The following ATP8B4 variants were observed in gnomAD, a reference collection of about 807,000 sequenced individuals.
ATP8B4 encodes ATPase phospholipid transporting 8B4 (putative).
A neutral mutation model predicts 145.6 loss-of-function variants in ATP8B4; 133 were observed. That is an observed-to-expected ratio of 0.91 (90% CI 0.79 to 1.05). The LOEUF is 1.05. Ranked by LOEUF, ATP8B4 falls within the 50% of genes least tolerant of loss-of-function variation. The pLI, the probability that ATP8B4 is intolerant of heterozygous loss-of-function variation, is 0.00. For synonymous variants in ATP8B4, 507 were observed against 492.9 expected (o/e 1.03, Z -0.38); for missense variants, 1,458 against 1,425.2 (o/e 1.02, Z -0.37).
chr15:49,971,335 C>A (rs542910731), intron 13 of ATP8B4, among the ~76,000 whole-genome samples: 37 of 152,262 alleles, frequency 2.4e-4, no homozygotes, highest in African/African-American at 8.9e-4. Flanking sequence ...GAACAGGCAA[C>A]CTACAGAATG....
At chr15:50,018,839 A>G (rs2049305726) in intron 6 of ATP8B4, 3 of 848,010 alleles carry the variant, frequency 3.5e-6, no homozygotes, top group Non-Finnish European at 5.0e-6. Flanking sequence ...ATTTATAATC[A>G]TGGGTAAAAT....
At chr15:50,104,644 C>T (rs1267267432) in intron 2 of ATP8B4, among the ~76,000 whole-genome samples, 5 of 151,990 alleles carry the variant, frequency 3.3e-5, no homozygotes, top group African/African-American at 7.3e-5. Context: ...TCTAGTACAA[C>T]CATTATGGAA....
intron 10 of ATP8B4, 116 bp from the exon 11 acceptor site, chr15:49,981,410 C>A (rs1307927078): frequency 3.6e-6 from 3 of 829,680 alleles, no homozygotes; most frequent in Non-Finnish European, 5.4e-6. Flanking sequence ...AATAATTTAA[C>A]TTTTATTAAG....
chr15:49,960,395 T>C (rs999968042), intron 14 of ATP8B4, among the ~76,000 whole-genome samples: 2 of 152,190 alleles, frequency 1.3e-5, no homozygotes, highest in Non-Finnish European at 2.9e-5. Flanking sequence ...AATTCAGTAA[T>C]AGACCTAGTA....
rs564856061 is a variant in ATP8B4, at chr15:50,027,678, T to G, written c.362+11090A>C. 6.6e-5 allele frequency among the ~76,000 whole-genome samples: 10 copies of G among 152,326 alleles called. 1 individual carries two copies. The South Asian group carries it at 1.9e-3, about 28-fold the overall frequency. On this transcript the variant is annotated intron_variant, in intron 6 of 27. Transcript: ENST00000284509. ...TCATACTGGACTGAACACTGGACATTAAGCAAATTTAAAATCCAGTAAGTG... is the reference window on the plus strand; with the variant it reads ...TCATACTGGACTGAACACTGGACATGAAGCAAATTTAAAATCCAGTAAGTG...
intron 1 of ATP8B4, among the ~76,000 whole-genome samples, chr15:50,129,140 T>C (rs958834313): frequency 6.6e-6 from 1 of 152,194 alleles, no homozygotes; most frequent in Non-Finnish European, 1.5e-5. Context: ...TGTGAGTAAA[T>C]TGTGACCCCA....
chr15:49,899,544 G>T (rs2037792800), intron 21 of ATP8B4, among the ~76,000 whole-genome samples: 1 of 152,030 alleles, frequency 6.6e-6, no homozygotes, highest in South Asian at 2.1e-4. Context: ...ATAATTCCTA[G>T]GTGAAATTGT....
rs534470264 is a variant in ATP8B4 at position 49,880,981 on chromosome 15, G to A, written c.2698-1522C>T. Among the ~76,000 whole-genome samples, 8 of 152,128 alleles carry A rather than the reference G, an allele frequency of 5.3e-5. No individual in the cohort carries two copies. The East Asian group carries it at 9.7e-4, about 18-fold the overall frequency. On this transcript the variant is annotated intron_variant, in intron 23 of 27. Transcript: ENST00000284509. ...CAAAAAATTAGCCAGGCATGGTGGC[G>A]GGCGCCTGTAGTCCCAGCTACTCGG...
chr15:49,970,319 A>G (rs2044986068), intron 13 of ATP8B4, among the ~76,000 whole-genome samples: 1 of 152,242 alleles, frequency 6.6e-6, no homozygotes, highest in African/African-American at 2.4e-5. Context: ...ATAGGAAGAG[A>G]GGAAATCAAA....
At chr15:50,002,272 T>G in intron 7 of ATP8B4, 49 bp from the exon 8 acceptor site, 3 of 1,480,958 alleles carry the variant, frequency 2.0e-6, no homozygotes, top group Non-Finnish European at 2.8e-6. Flanking sequence ...TTAGATTGGT[T>G]GAAAGTCTTC....
chr15:49,934,306 C>A, intron 14 of ATP8B4, 124 bp from the exon 15 acceptor site: 1 of 1,056,560 alleles, frequency 9.5e-7, no homozygotes, highest in Non-Finnish European at 1.3e-6. Context: ...ATGTCTGGCA[C>A]TAAAATGGCT....
chr15:50,004,532 T>C (rs1433455755), intron 7 of ATP8B4, among the ~76,000 whole-genome samples: 1 of 152,202 alleles, frequency 6.6e-6, no homozygotes, highest in Admixed American at 6.5e-5. Flanking sequence ...ATCCAGAAAC[T>C]TGTGTTCCAG....
chr15:50,114,337 T>G (rs2057098849), intron 1 of ATP8B4: 1 of 152,048 alleles, frequency 6.6e-6, no homozygotes, highest in Admixed American at 6.6e-5. Context: ...ATAGCTTAGC[T>G]CCCACTTATA....
chr15:49,876,413 G>A lies in ATP8B4; in HGVS notation c.2892C>T (p.Tyr964=), dbSNP rs558804068. 6.2e-7 allele frequency: 1 copy of A among 1,614,124 alleles called. No individual in the cohort carries two copies. The highest frequency in any genetic ancestry group is 1.1e-5 in the South Asian group (1 of 91,088). Residue 964 remains tyrosine (Y), a synonymous_variant, in exon 25 of 28, where the codon TAC becomes TAT. Coordinates refer to ENST00000284509, the MANE Select transcript of ATP8B4 (RefSeq NM_024837.4). ...KFFICVLHGI[Y]TSLVLFFIPY... is the part of the protein sequence containing the mutation. Reference sequence around the variant, plus strand: ...GGATGAAGAAAAGGACTAATGAGGTGTAGATTCCATGCAACACGCAAATGA... The same window carrying A: ...GGATGAAGAAAAGGACTAATGAGGTATAGATTCCATGCAACACGCAAATGA...
chr15:50,026,550 CA>C (rs2050021294), intron 6 of ATP8B4, among the ~76,000 whole-genome samples: 1 of 152,182 alleles, frequency 6.6e-6, no homozygotes, highest in African/African-American at 2.4e-5. Context: ...CAGCCGAGAG[CA>C]CCTGCTCTGA....
At chr15:49,894,733 A>G (rs1265579531) in intron 23 of ATP8B4, among the ~76,000 whole-genome samples, 2 of 152,208 alleles carry the variant, frequency 1.3e-5, no homozygotes, top group Admixed American at 1.3e-4. Flanking sequence ...CCAGATCCAG[A>G]GCCTGCAGGG....
At position 50,162,348 on chromosome 15, in the gene ATP8B4, C is replaced by T. The variant is rs181057028; in HGVS notation, c.-43+19913G>A. Among the ~76,000 whole-genome samples the T allele has an allele frequency of 3.3e-5, 5 of 151,110 alleles. No homozygotes were observed. In the East Asian group the frequency reaches 9.7e-4, roughly 29 times the overall value. Reference sequence around the variant, plus strand: ...TATACTTTATTAATATCTACTTATACTTTATTAATATATTTCCCCAAATAC... The same window carrying T: ...TATACTTTATTAATATCTACTTATATTTTATTAATATATTTCCCCAAATAC... On this transcript the variant is annotated intron_variant, in intron 1 of 3. Coordinates refer to the ATP8B4 transcript ENST00000558829.
At chr15:50,010,249 T>A (rs947625672) in intron 7 of ATP8B4, among the ~76,000 whole-genome samples, 1 of 152,130 alleles carries the variant, frequency 6.6e-6, no homozygotes, top group Admixed American at 6.6e-5. Context: ...GTTAGTTGCA[T>A]ATATTTTAGT....
intron 5 of ATP8B4, 51 bp from the exon 6 acceptor site, chr15:50,038,880 G>T: frequency 6.8e-7 from 1 of 1,467,292 alleles, no homozygotes; most frequent in Non-Finnish European, 9.5e-7. Context: ...TACTTTGTCA[G>T]CCCAAATAAG....
Sources: gnomAD v4.1 joint callset for allele counts (sites outside exome capture counted in the v4.1 genomes callset) on GRCh38, gnomAD v4.1.1 for gene constraint, MANE v1.5 for transcripts, NCBI Gene and HGNC (gene_info 2026-07-23, HGNC 2026-07-21) for gene names.